The following GRAMD2B variants were observed in gnomAD, a reference collection of about 807,000 sequenced individuals.
The protein encoded by GRAMD2B is GRAM domain containing 2B, also known as GRAM domain-containing protein 2B.
In GRAMD2B, 41 loss-of-function variants were observed where a neutral mutation model predicts 59.2. The observed-to-expected ratio is 0.69, with a 90% CI of 0.54 to 0.90. The LOEUF (loss-of-function observed/expected upper bound fraction) is 0.90. GRAMD2B is among the 40% of genes least tolerant of loss of function. GRAMD2B has a pLI of 0.00. For synonymous variants in GRAMD2B, 161 were observed against 182.7 expected, an observed-to-expected ratio of 0.88 and a Z score of 0.96; for missense variants, 424 against 500.5, an observed-to-expected ratio of 0.85 and a Z score of 1.46.
At chr5:126,457,873 T>C (rs1301456686) in intron 1 of GRAMD2B, among the ~76,000 whole-genome samples, 1 of 152,116 alleles carries the variant, frequency 6.6e-6, no homozygotes, top group Non-Finnish European at 1.5e-5. Context: ...ATTTGGACTC[T>C]GAAAAAATTG....
Position 126,494,031 on chromosome 5 carries a change from G to A in GRAMD2B, c.*1075G>A, listed in dbSNP as rs1350518302. On this transcript the variant is annotated 3_prime_UTR_variant, in exon 14 of 14. Coordinates refer to ENST00000285689, the MANE Select transcript of GRAMD2B (RefSeq NM_023927.4). ...CATTTGATAATCATTTCTATGAAAT[G>A]TATTTTATTTAATCAGATAAGCTAA... The A allele has an allele frequency of 6.6e-6, 1 of 152,622 alleles. No individual in the cohort carries two copies. Among genetic ancestry groups the A allele is most frequent in the Admixed American group, 6.5e-5 (1 of 15,270 alleles). 9.5% of individuals were successfully genotyped at this position (152,622 alleles called of 1,614,324 possible). A position where few individuals can be genotyped will look rare whatever the true frequency, so the allele number is the denominator to read the frequency against.
intron 1 of GRAMD2B, chr5:126,458,837 G>A (rs1766825639): frequency 6.6e-6 from 1 of 152,166 alleles, no homozygotes; most frequent in African/African-American, 2.4e-5. Flanking sequence ...CACTCCTCCT[G>A]TAGCACCTCA....
chr5:126,437,001 C>T (rs1177871210), intron 1 of GRAMD2B, among the ~76,000 whole-genome samples: 1 of 152,128 alleles, frequency 6.6e-6, no homozygotes, highest in Non-Finnish European at 1.5e-5. Context: ...TAAAGGGCAG[C>T]ACATAAGGCA....
At chr5:126,419,766 C>A (rs1561495227), upstream of GRAMD2B, among the ~76,000 whole-genome samples, 1 of 152,080 alleles carries the variant, frequency 6.6e-6, no homozygotes, top group African/African-American at 2.4e-5. Context: ...TAGAAATCTT[C>A]TTTGCTTTTG....
Position 126,423,604 on chromosome 5 carries a change from C to G in GRAMD2B, c.-3C>G, listed in dbSNP as rs764752348. Reference sequence around the variant, plus strand: ...CTGAAGGTGCCCTCCAGACACGGCCCCGATGACTGAACTACAGCAAGATGT... The same window carrying G: ...CTGAAGGTGCCCTCCAGACACGGCCGCGATGACTGAACTACAGCAAGATGT... On this transcript the variant is annotated 5_prime_UTR_variant, in exon 1 of 14. Coordinates refer to ENST00000285689, the MANE Select transcript of GRAMD2B (RefSeq NM_023927.4). The G allele has an allele frequency of 2.5e-6, 4 of 1,611,532 alleles. No individual in the cohort carries two copies. Among genetic ancestry groups the G allele is most frequent in the East Asian group, 2.2e-5 (1 of 44,766 alleles).
At chr5:126,479,397 A>G (rs1771281765) in intron 6 of GRAMD2B, among the ~76,000 whole-genome samples, 2 of 152,140 alleles carry the variant, frequency 1.3e-5, no homozygotes, top group African/African-American at 4.8e-5. Flanking sequence ...AAAGAAGGAA[A>G]GATAAAAGAG....
At chr5:126,424,693 T>C (rs1230017565) in intron 1 of GRAMD2B, among the ~76,000 whole-genome samples, 1 of 152,246 alleles carries the variant, frequency 6.6e-6, no homozygotes, top group East Asian at 1.9e-4. Context: ...TGCACCCATG[T>C]AGACCTCATC....
At chr5:126,468,271 G>A (rs1288261864) in intron 2 of GRAMD2B, among the ~76,000 whole-genome samples, 1 of 152,146 alleles carries the variant, frequency 6.6e-6, no homozygotes, top group African/African-American at 2.4e-5. Context: ...AAACTCTGGA[G>A]CTCTGACCTC....
At chr5:126,454,741 C>G (rs1765972353) in intron 1 of GRAMD2B, among the ~76,000 whole-genome samples, 1 of 152,140 alleles carries the variant, frequency 6.6e-6, no homozygotes, top group African/African-American at 2.4e-5. Flanking sequence ...TAAACCATTT[C>G]TCTAGCCCTG....
At chr5:126,441,599 C>T (rs1033238120) in intron 1 of GRAMD2B, among the ~76,000 whole-genome samples, 2 of 152,184 alleles carry the variant, frequency 1.3e-5, no homozygotes, top group South Asian at 2.1e-4. Flanking sequence ...TTATTTAGGC[C>T]ATTTGATCAT....
At chr5:126,444,441 G>C (rs907058324) in intron 1 of GRAMD2B, among the ~76,000 whole-genome samples, 1 of 152,086 alleles carries the variant, frequency 6.6e-6, no homozygotes, top group African/African-American at 2.4e-5. Context: ...CAGATTTTTT[G>C]TTCTAAGAAT....
chr5:126,485,764 A>G lies in GRAMD2B; in HGVS notation c.1049A>G (p.Tyr350Cys). 6.3e-7 allele frequency: 1 copy of G among 1,595,730 alleles called. No homozygotes were observed. The highest frequency in any genetic ancestry group is 8.6e-7 in the Non-Finnish European group (1 of 1,165,824). ...CPMLHHILIF[Y>C]AIVVCALIIS... ...ATGCTTCACCATATTCTTATATTCT[A>G]TGCAATTGTGTAAGTACATGAATTT... The change falls in exon 11 of 14, where the codon TAT (tyrosine) becomes TGT (cysteine). Residue 350 changes from tyrosine (Y) to cysteine (C), a missense_variant. Physicochemically the swap from Tyr to Cys is radical, Grantham distance 194 (BLOSUM62 -2). Coordinates refer to ENST00000285689, the MANE Select transcript of GRAMD2B (RefSeq NM_023927.4).
At chr5:126,440,794 G>A (rs6866739) in intron 1 of GRAMD2B, among the ~76,000 whole-genome samples, 30,233 of 151,978 alleles carry the variant, frequency 0.2, 3,183 homozygotes, top group Non-Finnish European at 0.24. Flanking sequence ...AAGGACCATC[G>A]TTCTGTATTA....
chr5:126,447,084 G>C (rs1347418047), intron 1 of GRAMD2B, among the ~76,000 whole-genome samples: 3 of 152,166 alleles, frequency 2.0e-5, no homozygotes, highest in Non-Finnish European at 4.4e-5. Context: ...AAGCTCCCTC[G>C]ATGGAAATGT....
In GRAMD2B at chr5:126,486,864, C is replaced by T. The variant is rs759679923; in HGVS notation, c.1059-9C>T. On this transcript the variant is annotated splice_polypyrimidine_tract_variant and intron_variant, in intron 11 of 13. Transcript: ENST00000285689. Reference sequence around the variant, plus strand: ...ACCTAACGAAAGTTTCTCTTTCATCCGTTTCCAGTGTCTGTGCACTAATCA... The same window carrying T: ...ACCTAACGAAAGTTTCTCTTTCATCTGTTTCCAGTGTCTGTGCACTAATCA... The T allele has an allele frequency of 6.4e-6, 10 of 1,563,190 alleles. No individual in the cohort carries two copies. Among genetic ancestry groups the T allele is most frequent in the African/African-American group, 2.7e-5 (2 of 73,862 alleles).
intron 1 of GRAMD2B, among the ~76,000 whole-genome samples, chr5:126,385,873 G>A (rs368355725): frequency 1.3e-3 from 199 of 152,264 alleles, no homozygotes; most frequent in African/African-American, 4.6e-3. Context: ...CTGGAAGAGA[G>A]GGAGAGGGAG....
At chr5:126,461,169 AT>A (rs1433049632) in intron 1 of GRAMD2B, among the ~76,000 whole-genome samples, 20 of 152,172 alleles carry the variant, frequency 1.3e-4, no homozygotes, top group African/African-American at 4.3e-4. Flanking sequence ...TCAGCTACTT[AT>A]TTACCTGGAC....
intron 1 of GRAMD2B, chr5:126,433,902 T>C (rs897211255): frequency 6.6e-6 from 1 of 152,254 alleles, no homozygotes. Context: ...ATTCTTCTTG[T>C]AGTGTTACTT....
At chr5:126,474,213 T>C (rs1340460959) in intron 5 of GRAMD2B, among the ~76,000 whole-genome samples, 1 of 152,240 alleles carries the variant, frequency 6.6e-6, no homozygotes, top group Non-Finnish European at 1.5e-5. Flanking sequence ...TTCTGATTCA[T>C]GATTATGAAG....
Sources: allele counts gnomAD v4.1 joint callset (sites outside exome capture counted in the v4.1 genomes callset), GRCh38; gene constraint gnomAD v4.1.1; transcripts MANE v1.5; gene names NCBI Gene and HGNC (gene_info 2026-07-23, HGNC 2026-07-21).